The following PTPRG variants were observed in gnomAD, a reference collection of about 807,000 sequenced individuals.
PTPRG encodes receptor-type tyrosine-protein phosphatase gamma.
PTPRG carries 102 observed loss-of-function variants against 165.3 expected under a neutral mutation model. The observed-to-expected ratio is 0.62, with a 90% CI of 0.53 to 0.73. PTPRG has a LOEUF of 0.73. PTPRG is among the 30% of genes least tolerant of loss of function. PTPRG has a pLI of 0.00. For synonymous variants in PTPRG, 675 were observed against 669.5 expected (o/e 1.01, Z -0.13); for missense variants, 1,866 against 1,861.4 (o/e 1.00, Z -0.05).
At chr3:61,695,225 G>A (rs2106677449) in intron 1 of PTPRG, among the ~76,000 whole-genome samples, 1 of 152,252 alleles carries the variant, frequency 6.6e-6, no homozygotes, top group Non-Finnish European at 1.5e-5. Context: ...TGCCAAGGCT[G>A]GTCTCGAACT....
At chr3:62,000,173 C>T (rs2041135905) in intron 3 of PTPRG, among the ~76,000 whole-genome samples, 1 of 151,006 alleles carries the variant, frequency 6.6e-6, no homozygotes. Context: ...CATGGCTACT[C>T]AGGACACTGA....
rs1341973345 is a variant in PTPRG at position 61,766,885 on chromosome 3, G to T, written c.190+17903G>T. Among the ~76,000 whole-genome samples the T allele has an allele frequency of 2.6e-5, 4 of 151,748 alleles. No homozygotes were observed. The East Asian group carries it at 5.9e-4, about 22-fold the overall frequency. On this transcript the variant is annotated intron_variant, in intron 2 of 29. Transcript: ENST00000474889. ...TCTGCACACCTTGGCCTCCCAAAGT[G>T]CTGGGATTACAGGCATGAGCCATCG...
intron 1 of PTPRG, among the ~76,000 whole-genome samples, chr3:61,615,776 T>C (rs762224934): frequency 3.2e-4 from 49 of 152,010 alleles, no homozygotes; most frequent in Non-Finnish European, 6.6e-4. Flanking sequence ...TGCCAGCTGG[T>C]TCCTGTGTCC....
At chr3:62,087,949 T>G (rs929045144) in intron 5 of PTPRG, among the ~76,000 whole-genome samples, 6 of 152,232 alleles carry the variant, frequency 3.9e-5, no homozygotes, top group Non-Finnish European at 8.8e-5. Flanking sequence ...GATGACATCT[T>G]TTTTCTTTAG....
intron 1 of PTPRG, among the ~76,000 whole-genome samples, chr3:61,719,845 T>C (rs1400172767): frequency 6.6e-6 from 1 of 152,112 alleles, no homozygotes; most frequent in East Asian, 1.9e-4. Flanking sequence ...GCCTCACTGT[T>C]TTGTAATTGC....
chr3:61,968,797 T>C (rs9848221), intron 2 of PTPRG, among the ~76,000 whole-genome samples: 38,622 of 152,076 alleles, frequency 0.25, 5,791 homozygotes, highest in African/African-American at 0.42. Flanking sequence ...ATGATATCAC[T>C]GTATCGATGG....
chr3:61,802,245 T>A (rs975723706), intron 2 of PTPRG, among the ~76,000 whole-genome samples: 2 of 152,098 alleles, frequency 1.3e-5, no homozygotes, highest in Non-Finnish European at 2.9e-5. Context: ...ATTGCCAGTT[T>A]GGGTGGAACT....
chr3:62,225,328 G>A (rs1270176433), intron 13 of PTPRG, among the ~76,000 whole-genome samples: 6 of 152,138 alleles, frequency 3.9e-5, no homozygotes, highest in Admixed American at 6.5e-5. Context: ...ATTTTGGAAG[G>A]TTTCTTTTTG....
chr3:61,629,935 G>A (rs149078433), intron 1 of PTPRG, among the ~76,000 whole-genome samples: 2 of 152,310 alleles, frequency 1.3e-5, no homozygotes, highest in African/African-American at 2.4e-5. Context: ...AATGAAGTCC[G>A]ATATTAAAAT....
At chr3:61,669,145 A>G (rs1255611737) in intron 1 of PTPRG, among the ~76,000 whole-genome samples, 2 of 152,198 alleles carry the variant, frequency 1.3e-5, no homozygotes, top group Non-Finnish European at 2.9e-5. Context: ...TGGTTATTTT[A>G]AACTTTGATT....
intron 2 of PTPRG, among the ~76,000 whole-genome samples, chr3:61,782,517 AT>A (rs1423351347): frequency 1.3e-5 from 2 of 152,218 alleles, no homozygotes; most frequent in African/African-American, 4.8e-5. Context: ...CTAATCTTTG[AT>A]TTTAAAATGT....
intron 2 of PTPRG, among the ~76,000 whole-genome samples, chr3:61,787,078 T>C (rs1368115017): frequency 6.6e-6 from 1 of 152,108 alleles, no homozygotes; most frequent in African/African-American, 2.4e-5. Flanking sequence ...GCTTATATTT[T>C]CCCCAAAGCT....
rs775513767 is a variant in PTPRG, at chr3:62,039,571, G to T, written c.519+36074G>T. Among the ~76,000 whole-genome samples the T allele has an allele frequency of 5.3e-5, 8 of 152,220 alleles. No homozygotes were observed. In the South Asian group the frequency reaches 1.7e-3, roughly 32 times the overall value. ...GGCTTGTACAGAAATATGAACTTCA[G>T]TTCTCAATTATTGGTAGATCTGAAG... On this transcript the variant is annotated intron_variant, in intron 4 of 29. Coordinates refer to ENST00000474889, the MANE Select transcript of PTPRG (RefSeq NM_002841.4).
At chr3:61,682,038 A>G (rs1411567507) in intron 1 of PTPRG, among the ~76,000 whole-genome samples, 1 of 151,774 alleles carries the variant, frequency 6.6e-6, no homozygotes, top group Non-Finnish European at 1.5e-5. Context: ...AATCCCAACT[A>G]TATGGGAGGC....
At chr3:61,612,162 T>G (rs1701188931) in intron 1 of PTPRG, among the ~76,000 whole-genome samples, 1 of 152,146 alleles carries the variant, frequency 6.6e-6, no homozygotes, top group Admixed American at 6.6e-5. Context: ...AGGCTGGTCT[T>G]GAACTCCTGA....
chr3:61,854,037 C>G (rs567003703), intron 2 of PTPRG, among the ~76,000 whole-genome samples: 1 of 152,130 alleles, frequency 6.6e-6, no homozygotes, highest in Non-Finnish European at 1.5e-5. Flanking sequence ...TCAGAGGAAC[C>G]GGTGGCCATT....
intron 1 of PTPRG, among the ~76,000 whole-genome samples, chr3:61,589,352 A>G (rs905649994): frequency 6.6e-6 from 1 of 152,186 alleles, no homozygotes; most frequent in African/African-American, 2.4e-5. Flanking sequence ...TCACTTGTTG[A>G]ATGATATGTT....
intron 1 of PTPRG, among the ~76,000 whole-genome samples, chr3:61,621,029 G>A (rs1701436014): frequency 1.1e-5 from 1 of 91,948 alleles, no homozygotes; most frequent in Admixed American, 1.1e-4. Flanking sequence ...CCCAGTGTGT[G>A]TGTGTATATA....
chr3:62,240,846 TACC>T lies in PTPRG; in HGVS notation c.2376-2955_2376-2953del, dbSNP rs1222724221. Among the ~76,000 whole-genome samples, 43 of 152,216 alleles carry T rather than the reference TACC, an allele frequency of 2.8e-4. No homozygotes were observed. The highest frequency in any genetic ancestry group is 7.3e-5 in the Non-Finnish European group (5 of 68,034). On this transcript the variant is annotated intron_variant, in intron 14 of 29. Coordinates refer to ENST00000474889, the MANE Select transcript of PTPRG (RefSeq NM_002841.4). The surrounding 1 kb of genome is among the most constrained non-coding windows in gnomAD (Gnocchi z 5.1). ...GTCCCTTCCTTCAGCCGACTTCATT[TACC>T]ACCACATCATTCTTATTTTCTTCAT...
Sources: gnomAD v4.1 joint callset for allele counts (sites outside exome capture counted in the v4.1 genomes callset) on GRCh38, gnomAD v4.1.1 for gene constraint, Gnocchi (gnomAD v3.1) non-coding constraint, MANE v1.5 for transcripts, NCBI Gene and HGNC (gene_info 2026-07-23, HGNC 2026-07-21) for gene names.